NCOA6: variants seen among roughly 807,000 people sequenced by gnomAD.
The protein encoded by NCOA6 is nuclear receptor coactivator 6, also known as NRC RAP250.
NCOA6 carries 49 observed loss-of-function variants against 171.4 expected under a neutral mutation model. The ratio of observed to expected loss-of-function variants is 0.29; its 90% confidence interval spans 0.23 to 0.36. NCOA6 has a LOEUF of 0.36. NCOA6 is among the 10% of genes least tolerant of loss of function. NCOA6 has a pLI of 1.00. For missense variants in NCOA6, 2,248 were observed against 2,554.5 expected, an observed-to-expected ratio of 0.88 and a Z score of 2.59; for synonymous variants, 910 against 927.5, an observed-to-expected ratio of 0.98 and a Z score of 0.34.
intron 3 of NCOA6, among the ~76,000 whole-genome samples, chr20:34,780,120 C>T (rs1568840401): frequency 6.6e-6 from 1 of 152,216 alleles, no homozygotes; most frequent in African/African-American, 2.4e-5. Flanking sequence ...ATCATAGACA[C>T]TGCAGGACTT....
rs199743043 is a variant in NCOA6 at position 34,742,751 on chromosome 20, C to G, written c.3505G>C (p.Gly1169Arg). The G allele has an allele frequency of 3.7e-6, 6 of 1,614,062 alleles. No individual in the cohort carries two copies. Among genetic ancestry groups the G allele is most frequent in the Non-Finnish European group, 4.2e-6 (5 of 1,179,990 alleles). Residue 1169 changes from glycine (G) to arginine (R), a missense_variant, in exon 11 of 15, where the codon GGA (glycine) becomes CGA (arginine). Coordinates refer to ENST00000359003, the MANE Select transcript of NCOA6 (RefSeq NM_014071.5). ...TGAGTTGCTGAAAGGGGCGATGGTCCAGGTTTTGGCCCTGTCATCATTAAC... is the reference window on the plus strand; with the variant it reads ...TGAGTTGCTGAAAGGGGCGATGGTCGAGGTTTTGGCCCTGTCATCATTAAC... Reference protein sequence around the residue: ...NQLMMTGPKPGPSPLSATQGA... With the variant: ...NQLMMTGPKPRPSPLSATQGA...
intron 5 of NCOA6, among the ~76,000 whole-genome samples, chr20:34,761,986 A>T (rs1441532895): frequency 6.6e-6 from 1 of 152,196 alleles, no homozygotes; most frequent in Non-Finnish European, 1.5e-5. Context: ...TCCATTATAT[A>T]AAAAGTATTT....
rs1228324751 is a variant in NCOA6, at chr20:34,749,858, C to G, written c.2337G>C (p.Gln779His). The G allele has an allele frequency of 6.2e-7, 1 of 1,614,110 alleles. No individual in the cohort carries two copies. Among genetic ancestry groups the G allele is most frequent in the Non-Finnish European group, 8.5e-7 (1 of 1,180,048 alleles). ...GGACCTGTCCCTGAATGCCCATAACCTGAGATGGACTGTTGTTCACAGGCC... is the reference window on the plus strand; with the variant it reads ...GGACCTGTCCCTGAATGCCCATAACGTGAGATGGACTGTTGTTCACAGGCC... ...QQGPVNNSPS[Q>H]VMGIQGQVLR... Residue 779 changes from glutamine (Q) to histidine (H), a missense_variant, in exon 9 of 15, where the codon CAG (glutamine) becomes CAC (histidine). Transcript: ENST00000359003.
intron 7 of NCOA6, 110 bp from the exon 8 acceptor site, chr20:34,754,978 C>G (rs1349844941): frequency 7.6e-6 from 8 of 1,052,748 alleles, no homozygotes; most frequent in East Asian, 7.5e-5. Flanking sequence ...TGGCTTAGCT[C>G]TCTCTGTCAC....
chr20:34,813,585 A>G (rs2078743138), intron 1 of NCOA6, among the ~76,000 whole-genome samples: 1 of 152,148 alleles, frequency 6.6e-6, no homozygotes, highest in African/African-American at 2.4e-5. Context: ...GTTTATGTAG[A>G]AGAATATCCT....
intron 5 of NCOA6, among the ~76,000 whole-genome samples, chr20:34,761,716 C>T (rs1327572894): frequency 1.3e-5 from 2 of 151,834 alleles, no homozygotes; most frequent in African/African-American, 4.8e-5. Flanking sequence ...AGTGCAGTGG[C>T]GCAATCTTGA....
chr20:34,733,572 G>A (rs2075852351), intron 12 of NCOA6, among the ~76,000 whole-genome samples: 1 of 152,106 alleles, frequency 6.6e-6, no homozygotes, highest in Non-Finnish European at 1.5e-5. Flanking sequence ...TCAAAGTTAA[G>A]GAGATGAAAT....
chr20:34,752,077 C>T (rs765973860), intron 8 of NCOA6, among the ~76,000 whole-genome samples: 7 of 152,112 alleles, frequency 4.6e-5, no homozygotes, highest in Admixed American at 1.3e-4. Flanking sequence ...AGGCTGGTCT[C>T]GAACTGCTGA....
chr20:34,776,852 C>T (rs6120723), intron 3 of NCOA6: 158,869 of 441,638 alleles, frequency 0.36, 29,947 homozygotes, highest in Middle Eastern at 0.44. Flanking sequence ...ATAGAATAGG[C>T]TCATGCCTAT....
chr20:34,739,220 G>A (rs141188792), intron 11 of NCOA6, among the ~76,000 whole-genome samples: 185 of 152,184 alleles, frequency 1.2e-3, no homozygotes, highest in African/African-American at 4.3e-3. Context: ...AAAAGAAACT[G>A]GGAATAACAA....
chr20:34,790,188 CTG>C (rs1462277844), intron 2 of NCOA6, among the ~76,000 whole-genome samples: 3 of 151,610 alleles, frequency 2.0e-5, no homozygotes, highest in African/African-American at 7.3e-5. Context: ...GATAAACAAA[CTG>C]TGGTAGATAC....
At chr20:34,731,029 C>G (rs1175638123) in intron 13 of NCOA6, among the ~76,000 whole-genome samples, 1 of 149,956 alleles carries the variant, frequency 6.7e-6, no homozygotes, top group Admixed American at 6.6e-5. Context: ...TTTTTCTTTT[C>G]TTTTCTTTTA....
In NCOA6 at chr20:34,740,940, G is replaced by A. The variant is rs761187049; in HGVS notation, c.5316C>T (p.Ser1772=). 5.0e-6 allele frequency: 8 copies of A among 1,614,190 alleles called. No homozygotes were observed. The highest frequency in any genetic ancestry group is 6.8e-6 in the Non-Finnish European group (8 of 1,180,038). The stretch of plus-strand genomic sequence containing the variant: ...GATCTGCTGAGGTGTTCACCTGAGG[G>A]CTAGCCTCATCTGGATTCAATTCTT... ...QVKELNPDEA[S]PQVNTSADQN... Residue 1772 remains serine, a synonymous_variant, in exon 11 of 15, where the codon AGC becomes AGT. Transcript: ENST00000359003.
chr20:34,765,534 A>G (rs2145927046), intron 5 of NCOA6, among the ~76,000 whole-genome samples: 1 of 152,184 alleles, frequency 6.6e-6, no homozygotes, highest in Non-Finnish European at 1.5e-5. Context: ...CATGTTCAAT[A>G]GTGACACTAT....
chr20:34,761,780 C>T (rs1382622244), intron 5 of NCOA6, among the ~76,000 whole-genome samples: 3 of 152,048 alleles, frequency 2.0e-5, no homozygotes, highest in East Asian at 3.9e-4. Flanking sequence ...CTCAGCCTCC[C>T]GAGTAGATAG....
chr20:34,743,108 C>T lies in NCOA6; in HGVS notation c.3148G>A (p.Val1050Ile), dbSNP rs377722434. ...CTTGGAGGATGGACATTTTGAGAGA[C>T]TGGAAGCCTAACTGATTTGGGATCC... ...QQDPKSVRLPVSQNVHPPRGP... is the reference protein window; with the variant it reads ...QQDPKSVRLPISQNVHPPRGP... Residue 1050 changes from valine to isoleucine, a missense_variant, in exon 11 of 15, where the codon GTC becomes ATC. Physicochemically the swap from Val to Ile is conservative, Grantham distance 29. Around this residue, in one of 7 missense-constraint regions of NCOA6, gnomAD observed 352 missense variants for 419.1 expected, o/e 0.84. Coordinates refer to ENST00000359003, the MANE Select transcript of NCOA6 (RefSeq NM_014071.5). 1.2e-5 allele frequency: 19 copies of T among 1,613,338 alleles called. No individual in the cohort carries two copies. The African/African-American group carries it at 2.1e-4, about 18-fold the overall frequency.
At chr20:34,727,495 G>A (rs1240685794) in intron 13 of NCOA6, 88 bp from the exon 14 acceptor site, 1 of 1,392,232 alleles carries the variant, frequency 7.2e-7, no homozygotes, top group African/African-American at 1.4e-5. Flanking sequence ...CATTCGTAAA[G>A]TAGGAGACTA....
At chr20:34,807,346 T>C (rs1474098777) in intron 1 of NCOA6, among the ~76,000 whole-genome samples, 3 of 152,162 alleles carry the variant, frequency 2.0e-5, no homozygotes, top group Admixed American at 2.0e-4. Flanking sequence ...GACTACCTCC[T>C]GTGAGAGACC....
chr20:34,824,086 T>G (rs1209293784), intron 1 of NCOA6, among the ~76,000 whole-genome samples: 1 of 152,244 alleles, frequency 6.6e-6, no homozygotes, highest in Non-Finnish European at 1.5e-5. Flanking sequence ...CTGCCTATAC[T>G]TTTTTGTATT....
Sources: allele counts gnomAD v4.1 joint callset (sites outside exome capture counted in the v4.1 genomes callset), GRCh38; gene constraint gnomAD v4.1.1; regional missense constraint gnomAD v4.1.1; transcripts MANE v1.5; gene names NCBI Gene and HGNC (gene_info 2026-07-23, HGNC 2026-07-21).